Variants in ACRV1 observed in about 807,000 individuals in gnomAD.
ACRV1 encodes the protein acrosomal vesicle protein 1, also known as acrosomal protein SP-10.
ACRV1 carries 17 observed loss-of-function variants against 29.2 expected under a neutral mutation model. The observed-to-expected ratio is 0.58, with a 90% CI of 0.40 to 0.87. The LOEUF is 0.87. Ranked by LOEUF, ACRV1 falls within the 40% of genes least tolerant of loss-of-function variation. The probability of loss-of-function intolerance (pLI) is 0.00; values close to 1 mark genes in which losing one functional copy is unlikely to be tolerated. For missense variants in ACRV1, 294 were observed against 316.0 expected (o/e 0.93, Z 0.53); for synonymous variants, 98 against 111.6 (o/e 0.88, Z 0.77).
At chr11:125,679,228 T>TTTTTTTTTTTTTTTTTTG (rs1454887323) in intron 1 of ACRV1, among the ~76,000 whole-genome samples, 21 of 145,638 alleles carry the variant, frequency 1.4e-4, no homozygotes, top group African/African-American at 5.4e-4. Flanking sequence ...TTTTTTTTTT[T>TTTTTTTTTTTTTTTTTTG]TGTTTCAAAG....
chr11:125,676,548 G>T (rs1220340451), intron 2 of ACRV1, 70 bp from the exon 3 acceptor site: 16 of 1,583,418 alleles, frequency 1.0e-5, no homozygotes. Context: ...TCACATCTGG[G>T]AGGGGTAATG....
chr11:125,680,042 A>G (rs1391184721), intron 1 of ACRV1, among the ~76,000 whole-genome samples: 3 of 152,246 alleles, frequency 2.0e-5, no homozygotes, highest in Admixed American at 6.5e-5. Flanking sequence ...GGCACATACT[A>G]TCACCTGGTG....
At chr11:125,675,303 A>G (rs1018432378) in intron 3 of ACRV1, among the ~76,000 whole-genome samples, 1 of 152,108 alleles carries the variant, frequency 6.6e-6, no homozygotes, top group Non-Finnish European at 1.5e-5. Flanking sequence ...TCTGCACTTT[A>G]TATGTGCCTT....
intron 3 of ACRV1, among the ~76,000 whole-genome samples, chr11:125,673,951 G>T (rs1942348470): frequency 6.6e-6 from 1 of 152,168 alleles, no homozygotes; most frequent in African/African-American, 2.4e-5. Context: ...TTGAGGCCAG[G>T]AGTTCAAGAC....
intron 3 of ACRV1, chr11:125,676,101 T>G: frequency 9.0e-6 from 3 of 334,498 alleles, no homozygotes; most frequent in Non-Finnish European, 1.1e-5. Context: ...AGAGATGGGG[T>G]TTTTTCATGT....
At position 125,672,724 on chromosome 11, in the gene ACRV1, G is replaced by A; in HGVS notation, c.674-7C>T. On this transcript the variant is annotated splice_region_variant and splice_polypyrimidine_tract_variant and intron_variant, in intron 3 of 3. Transcript: ENST00000533904. ...ATGAATTGGAGTTTTCCACCTGAAA[G>A]GAGCAGAGACAGACTAGTGAGCAGA... 3.1e-6 allele frequency: 5 copies of A among 1,614,014 alleles called. No individual in the cohort carries two copies. The highest frequency in any genetic ancestry group is 4.2e-6 in the Non-Finnish European group (5 of 1,179,990).
At chr11:125,678,978 TTATATA>T (rs10522682) in intron 1 of ACRV1, among the ~76,000 whole-genome samples, 5 of 88,436 alleles carry the variant, frequency 5.7e-5, no homozygotes, top group African/African-American at 8.7e-5. Flanking sequence ...TCTAGGCATA[TTATATA>T]TATATATATA....
At chr11:125,679,415 G>C (rs752562126) in intron 1 of ACRV1, among the ~76,000 whole-genome samples, 1 of 151,634 alleles carries the variant, frequency 6.6e-6, no homozygotes, top group African/African-American at 2.4e-5. Context: ...ACAGGGTCTC[G>C]CCATGTTGGC....
chr11:125,676,270 T>C lies in ACRV1; in HGVS notation c.673+89A>G, dbSNP rs116399606. 1.2e-3 allele frequency: 1,748 copies of C among 1,488,686 alleles called. 22 individuals are homozygous for C. The African/African-American group carries it at 0.022, about 19-fold the overall frequency. 92.2% of individuals were successfully genotyped at this position (1,488,686 alleles called of 1,614,324 possible). A position where few individuals can be genotyped will look rare whatever the true frequency, so the allele number is the denominator to read the frequency against. On this transcript the variant is annotated intron_variant, in intron 3 of 3. Transcript: ENST00000533904. ...TGAATCTTCAAGTTCCTTGATTCTT[T>C]CCTGGGCCCCTGTCATTCCAACTGC...
At chr11:125,679,228 T>TTTTTTTTTTTTTTTTTTTTTTTG (rs1454887323) in intron 1 of ACRV1, among the ~76,000 whole-genome samples, 2 of 145,644 alleles carry the variant, frequency 1.4e-5, no homozygotes, top group African/African-American at 5.1e-5. Context: ...TTTTTTTTTT[T>TTTTTTTTTTTTTTTTTTTTTTTG]TGTTTCAAAG....
At chr11:125,672,856 G>A in intron 3 of ACRV1, 139 bp from the exon 4 acceptor site, 1 of 1,123,344 alleles carries the variant, frequency 8.9e-7, no homozygotes, top group Non-Finnish European at 1.2e-6. Flanking sequence ...TCTTCTATTT[G>A]CTTCCTCTGG....
intron 1 of ACRV1, 150 bp downstream of exon 1, chr11:125,680,579 G>T: frequency 1.5e-6 from 1 of 672,556 alleles, no homozygotes; most frequent in Non-Finnish European, 2.6e-6. Flanking sequence ...ACTGGTTCAG[G>T]AGCTCTCCGA....
In ACRV1 at chr11:125,672,071, G is replaced by A. The variant is rs887550876; in HGVS notation, c.*522C>T. 7 of 152,298 alleles carry A rather than the reference G, an allele frequency of 4.6e-5. No homozygotes were observed. The highest frequency in any genetic ancestry group is 2.6e-4 in the Admixed American group (4 of 15,258). 9.4% of individuals were successfully genotyped at this position (152,298 alleles called of 1,614,324 possible). On this transcript the variant is annotated 3_prime_UTR_variant, in exon 4 of 4. Transcript: ENST00000533904. ...CTCTCAAGAGCCAAAGAAGAGTTGA[G>A]TTTTTGTATGCCATAATAAATGGAA...
intron 3 of ACRV1, 163 bp downstream of exon 3, chr11:125,676,196 C>A: frequency 2.2e-6 from 2 of 924,470 alleles, no homozygotes; most frequent in Admixed American, 5.3e-5. Context: ...GTGTGAGCCA[C>A]CTCGCCTGGC....
At chr11:125,673,139 A>G (rs1942286364) in intron 3 of ACRV1, among the ~76,000 whole-genome samples, 1 of 151,604 alleles carries the variant, frequency 6.6e-6, no homozygotes. Flanking sequence ...CAAATTCTGC[A>G]TCCTTTTCTC....
At chr11:125,672,738 C>T in intron 3 of ACRV1, 21 bp from the exon 4 acceptor site, 3 of 1,613,202 alleles carry the variant, frequency 1.9e-6, no homozygotes, top group South Asian at 2.2e-5. Context: ...CAGAGACAGA[C>T]TAGTGAGCAG....
intron 3 of ACRV1, among the ~76,000 whole-genome samples, chr11:125,674,222 G>C (rs1050188948): frequency 2.0e-5 from 3 of 152,174 alleles, no homozygotes; most frequent in African/African-American, 7.2e-5. Flanking sequence ...TTGATGTCAA[G>C]AGCTGAGAGA....
Position 125,677,994 on chromosome 11 carries a change from G to C in ACRV1, c.356C>G (p.Pro119Arg). Residue 119 changes from proline (P) to arginine (R), a missense_variant, in exon 2 of 4, where the codon CCT (proline) becomes CGT (arginine). Pro to Arg is a moderately radical substitution (Grantham distance 103). Transcript: ENST00000533904. ...TTCTCCGGAGAGGTGTTCACCTGAAGGCTGTTCTCCTGAAGGCTGCTCACC... is the reference window on the plus strand; with the variant it reads ...TTCTCCGGAGAGGTGTTCACCTGAACGCTGTTCTCCTGAAGGCTGCTCACC... Reference protein sequence around the residue: ...TVGEQPSGEQPSGEHLSGEQP... With the variant: ...TVGEQPSGEQRSGEHLSGEQP... 1 of 1,613,622 alleles carries C rather than the reference G, an allele frequency of 6.2e-7. No individual in the cohort carries two copies.
intron 3 of ACRV1, among the ~76,000 whole-genome samples, chr11:125,673,198 C>CTTTCT (rs140314927): frequency 7.5e-6 from 1 of 133,268 alleles, no homozygotes; most frequent in African/African-American, 2.7e-5. Context: ...GGACTACACC[C>CTTTCT]TTTCTTTTCT....
Sources: gnomAD v4.1 joint callset for allele counts (sites outside exome capture counted in the v4.1 genomes callset) on GRCh38, gnomAD v4.1.1 for gene constraint, MANE v1.5 for transcripts, NCBI Gene and HGNC (gene_info 2026-07-23, HGNC 2026-07-21) for gene names.